AUTS2: variants seen among roughly 807,000 people sequenced by gnomAD.
The protein encoded by AUTS2 is activator of transcription and developmental regulator AUTS2.
Under a neutral mutation model 112.4 loss-of-function variants are expected in AUTS2, and 17 were observed. That is an observed-to-expected ratio of 0.15 (90% CI 0.10 to 0.23). AUTS2 has a LOEUF of 0.23. Among genes scored for constraint, AUTS2 ranks in the 10% least tolerant of loss-of-function variants. AUTS2 has a pLI of 1.00. For missense variants in AUTS2, 1,510 were observed against 1,701.6 expected (o/e 0.89, Z 1.98); for synonymous variants, 751 against 702.7 (o/e 1.07, Z -1.09).
intron 2 of AUTS2, among the ~76,000 whole-genome samples, chr7:70,116,126 A>G (rs904694321): frequency 2.0e-5 from 3 of 152,228 alleles, no homozygotes; most frequent in Non-Finnish European, 4.4e-5. Flanking sequence ...TACAACTTGC[A>G]TCTGAATTAA....
At chr7:70,131,786 T>C (rs182565678) in intron 3 of AUTS2, among the ~76,000 whole-genome samples, 3 of 152,156 alleles carry the variant, frequency 2.0e-5, no homozygotes, top group Admixed American at 1.3e-4. Flanking sequence ...GGATATATGA[T>C]ACGTGTTGTG....
Position 70,118,194 on chromosome 7 carries a change from G to C in AUTS2, c.585G>C (p.Lys195Asn). ...GTGAAAGTGCCAGTGGAGAATCCAA[G>C]GGCTTCCACCGGAGCAGCTCTCGGG... is the stretch of plus-strand genomic sequence containing the variant. ...SDSESASGESKGFHRSSSRER... is the reference protein window; with the variant it reads ...SDSESASGESNGFHRSSSRER... Residue 195 changes from lysine (K) to asparagine (N), a missense_variant, in exon 3 of 19, where the codon AAG becomes AAC. By Grantham distance (94) the Lys-to-Asn change is moderately conservative. Coordinates refer to ENST00000342771, the MANE Select transcript of AUTS2 (RefSeq NM_015570.4). The C allele has an allele frequency of 1.9e-6, 3 of 1,609,278 alleles. No individual in the cohort carries two copies. Among genetic ancestry groups the C allele is most frequent in the Non-Finnish European group, 2.5e-6 (3 of 1,178,624 alleles).
At chr7:70,439,315 A>C (rs961072156) in intron 5 of AUTS2, among the ~76,000 whole-genome samples, 7 of 152,056 alleles carry the variant, frequency 4.6e-5, no homozygotes, top group African/African-American at 1.7e-4. Flanking sequence ...CAAGGCGGGG[A>C]GATGACAAGA....
intron 2 of AUTS2, among the ~76,000 whole-genome samples, chr7:69,940,648 T>C (rs1409282473): frequency 6.6e-6 from 1 of 152,112 alleles, no homozygotes; most frequent in Non-Finnish European, 1.5e-5. Context: ...GGGTATAACA[T>C]GATGAGATGT....
intron 5 of AUTS2, among the ~76,000 whole-genome samples, chr7:70,497,379 C>T (rs115960391): frequency 2.4e-4 from 37 of 152,292 alleles, no homozygotes; most frequent in Admixed American, 9.8e-4. Context: ...AGGCTTCAGA[C>T]AGGTTGCTTT....
chr7:70,211,708 C>T (rs1162716988), intron 4 of AUTS2, among the ~76,000 whole-genome samples: 1 of 151,238 alleles, frequency 6.6e-6, no homozygotes. Context: ...TTATACAGGC[C>T]AGGCGCGGTG....
intron 2 of AUTS2, among the ~76,000 whole-genome samples, chr7:70,116,707 G>A (rs1281927322): frequency 6.6e-6 from 1 of 152,092 alleles, no homozygotes; most frequent in Non-Finnish European, 1.5e-5. Context: ...CTCCTCAATG[G>A]AGTATCTTTC....
chr7:70,744,889 G>A (rs1219361458), intron 6 of AUTS2, among the ~76,000 whole-genome samples: 2 of 152,138 alleles, frequency 1.3e-5, no homozygotes, highest in African/African-American at 2.4e-5. Context: ...GCAGGGGACG[G>A]TTTCTTCCAG....
chr7:69,655,591 A>G (rs1390016519), intron 1 of AUTS2, among the ~76,000 whole-genome samples: 2 of 152,208 alleles, frequency 1.3e-5, no homozygotes, highest in South Asian at 2.1e-4. Context: ...GATGGACTTT[A>G]AAGTTTGAGA....
At chr7:70,311,906 G>C (rs1187698835) in intron 4 of AUTS2, among the ~76,000 whole-genome samples, 3 of 152,208 alleles carry the variant, frequency 2.0e-5, no homozygotes, top group Admixed American at 6.5e-5. Context: ...AGTAGAGACG[G>C]GGTTTCACCG....
chr7:70,386,920 CCT>C (rs1383135018), intron 4 of AUTS2, among the ~76,000 whole-genome samples: 2 of 152,140 alleles, frequency 1.3e-5, no homozygotes. Context: ...AATATTTCCT[CCT>C]ATTTCTTCTT....
At chr7:70,375,485 C>T (rs1423155128) in intron 4 of AUTS2, among the ~76,000 whole-genome samples, 3 of 152,182 alleles carry the variant, frequency 2.0e-5, no homozygotes, top group Admixed American at 6.5e-5. Flanking sequence ...TTACGTCCAA[C>T]TAGGTAGTAT....
intron 1 of AUTS2, among the ~76,000 whole-genome samples, chr7:69,819,685 A>G (rs1460514218): frequency 6.6e-6 from 1 of 152,212 alleles, no homozygotes; most frequent in African/African-American, 2.4e-5. Flanking sequence ...TGGTGCGAAC[A>G]TGGCTCACTT....
At chr7:70,469,713 T>G (rs896148494) in intron 5 of AUTS2, among the ~76,000 whole-genome samples, 1 of 152,240 alleles carries the variant, frequency 6.6e-6, no homozygotes, top group Non-Finnish European at 1.5e-5. Context: ...TGGTCTAGGC[T>G]CACTGCAACC....
chr7:70,368,110 T>A (rs1224670227), intron 4 of AUTS2, among the ~76,000 whole-genome samples: 1 of 152,188 alleles, frequency 6.6e-6, no homozygotes, highest in Non-Finnish European at 1.5e-5. Flanking sequence ...ATCAAACCTC[T>A]GGCCTACTAT....
intron 2 of AUTS2, among the ~76,000 whole-genome samples, chr7:69,928,112 G>T (rs1299882779): frequency 1.3e-5 from 2 of 152,194 alleles, no homozygotes; most frequent in Non-Finnish European, 2.9e-5. Context: ...TCTCAGTGGA[G>T]ACCTGAAGTG....
At chr7:70,726,565 A>G (rs1787044602) in intron 6 of AUTS2, among the ~76,000 whole-genome samples, 1 of 152,194 alleles carries the variant, frequency 6.6e-6, no homozygotes, top group Non-Finnish European at 1.5e-5. Context: ...CAAAATGCAA[A>G]CTCAACAATG....
intron 4 of AUTS2, among the ~76,000 whole-genome samples, chr7:70,222,463 A>AT (rs1811536598): frequency 6.6e-6 from 1 of 152,212 alleles, no homozygotes; most frequent in South Asian, 2.1e-4. Flanking sequence ...TTTAAGGACT[A>AT]TTTTTTAACA....
intron 6 of AUTS2, among the ~76,000 whole-genome samples, chr7:70,730,801 A>G (rs1217311966): frequency 6.6e-6 from 1 of 152,136 alleles, no homozygotes; most frequent in African/African-American, 2.4e-5. Flanking sequence ...TATTAGCTCT[A>G]TGGTTAGCCT....
Sources: gnomAD v4.1 joint callset for allele counts (sites outside exome capture counted in the v4.1 genomes callset) on GRCh38, gnomAD v4.1.1 for gene constraint, MANE v1.5 for transcripts, NCBI Gene and HGNC (gene_info 2026-07-23, HGNC 2026-07-21) for gene names.